MARCHF1: variants seen among roughly 807,000 people sequenced by gnomAD.
MARCHF1 encodes the protein membrane associated ring-CH-type finger 1, also known as E3 ubiquitin-protein ligase MARCHF1.
A neutral mutation model predicts 54.2 loss-of-function variants in MARCHF1; 40 were observed. The ratio of observed to expected loss-of-function variants is 0.74; its 90% confidence interval spans 0.57 to 0.96. The LOEUF (loss-of-function observed/expected upper bound fraction) is 0.96, where lower values mean the gene tolerates loss of function less well. Ranked by LOEUF, MARCHF1 falls within the 40% of genes least tolerant of loss-of-function variation. The probability of loss-of-function intolerance (pLI) is 0.00; values close to 1 mark genes in which losing one functional copy is unlikely to be tolerated. For synonymous variants in MARCHF1, 236 were observed against 236.3 expected (o/e 1.00, Z 0.01); for missense variants, 586 against 656.5 (o/e 0.89, Z 1.17).
intron 5 of MARCHF1, among the ~76,000 whole-genome samples, chr4:163,654,886 T>G (rs1743087090): frequency 6.6e-6 from 1 of 151,658 alleles, no homozygotes; most frequent in South Asian, 2.1e-4. Context: ...AAACTGTGAT[T>G]AGTCATATAG....
At chr4:164,150,679 T>C (rs1729909996) in intron 1 of MARCHF1, among the ~76,000 whole-genome samples, 1 of 152,100 alleles carries the variant, frequency 6.6e-6, no homozygotes, top group Non-Finnish European at 1.5e-5. Flanking sequence ...ACTTGGACCA[T>C]TTCAACAAGA....
chr4:163,894,667 G>GATGCATATATAT (rs1172019102), intron 3 of MARCHF1, among the ~76,000 whole-genome samples: 1 of 1,662 alleles, frequency 6.0e-4, no homozygotes, highest in South Asian at 0.042. Context: ...ATATGCATGT[G>GATGCATATATAT]ATGCATATAT....
At chr4:164,074,348 C>T (rs901907075) in intron 2 of MARCHF1, among the ~76,000 whole-genome samples, 1 of 152,128 alleles carries the variant, frequency 6.6e-6, no homozygotes, top group African/African-American at 2.4e-5. Flanking sequence ...TCTGTTTGCT[C>T]TCATTCAAGT....
intron 1 of MARCHF1, among the ~76,000 whole-genome samples, chr4:164,346,581 T>A (rs924928176): frequency 1.3e-5 from 1 of 75,184 alleles, no homozygotes; most frequent in African/African-American, 4.2e-5. Context: ...AATGCTGATG[T>A]CCTCAAACCT....
Position 164,020,743 on chromosome 4 carries a change from C to T in MARCHF1, c.-247-32034G>A, listed in dbSNP as rs1185449346. On this transcript the variant is annotated intron_variant, in intron 2 of 9. Transcript: ENST00000514618. ...CTCAGGAGTTTGAGAACAGCCCAGG[C>T]AACACGGAGAAACCCCATCTCTACA... is the stretch of plus-strand genomic sequence containing the variant. Among the ~76,000 whole-genome samples, 4 of 152,104 alleles carry T rather than the reference C, an allele frequency of 2.6e-5. No individual in the cohort carries two copies. The East Asian group carries it at 7.7e-4, about 29-fold the overall frequency.
At chr4:163,697,815 C>A (rs1744682924) in intron 5 of MARCHF1, among the ~76,000 whole-genome samples, 1 of 152,144 alleles carries the variant, frequency 6.6e-6, no homozygotes, top group South Asian at 2.1e-4. Flanking sequence ...TAGGAATATG[C>A]ATTTTTTAAG....
intron 4 of MARCHF1, among the ~76,000 whole-genome samples, chr4:163,728,256 G>A (rs1745726966): frequency 6.6e-6 from 1 of 152,028 alleles, no homozygotes; most frequent in Non-Finnish European, 1.5e-5. Flanking sequence ...GTTACAATAG[G>A]AAGCCCTAAT....
chr4:163,701,479 A>G (rs1369873854), intron 4 of MARCHF1, among the ~76,000 whole-genome samples: 1 of 152,144 alleles, frequency 6.6e-6, no homozygotes, highest in African/African-American at 2.4e-5. Context: ...TTAGCAGAAA[A>G]GAGGCATGAA....
intron 7 of MARCHF1, among the ~76,000 whole-genome samples, chr4:163,605,207 T>G (rs1741101891): frequency 6.6e-6 from 1 of 151,934 alleles, no homozygotes; most frequent in Admixed American, 6.6e-5. Flanking sequence ...CTTAAGCAAA[T>G]TTACAAGAAA....
At chr4:164,182,015 C>A (rs1730845620) in intron 1 of MARCHF1, among the ~76,000 whole-genome samples, 1 of 152,082 alleles carries the variant, frequency 6.6e-6, no homozygotes, top group African/African-American at 2.4e-5. Context: ...ACAATTAGAA[C>A]TTCAGGTAAA....
At chr4:164,294,221 C>T (rs1318509382) in intron 1 of MARCHF1, among the ~76,000 whole-genome samples, 5 of 152,236 alleles carry the variant, frequency 3.3e-5, no homozygotes, top group African/African-American at 1.2e-4. Flanking sequence ...GGTTTTGGGA[C>T]TCGGACTGGC....
At chr4:164,188,934 A>G (rs1166709675) in intron 1 of MARCHF1, 12 of 759,880 alleles carry the variant, frequency 1.6e-5, no homozygotes, top group Middle Eastern at 2.9e-4. Context: ...GCAACCAAAG[A>G]TATTGGAACT....
chr4:163,769,835 A>T (rs1320923028), intron 4 of MARCHF1, among the ~76,000 whole-genome samples: 2 of 152,174 alleles, frequency 1.3e-5, no homozygotes, highest in Non-Finnish European at 2.9e-5. Context: ...TCAGGGAGTG[A>T]ATGTGTATAC....
In MARCHF1 at chr4:163,871,176, C is replaced by A. The variant is rs72685652; in HGVS notation, c.-38-17007G>T. On this transcript the variant is annotated intron_variant, in intron 3 of 9. Transcript: ENST00000514618. ...AAGATAAAAATAGCTAGAAACCAAGCAAAGTAGTAAATAAAACATACATCA... is the reference window on the plus strand; with the variant it reads ...AAGATAAAAATAGCTAGAAACCAAGAAAAGTAGTAAATAAAACATACATCA... 7.2e-4 allele frequency among the ~76,000 whole-genome samples: 110 copies of A among 151,926 alleles called. 2 individuals are homozygous for A. In the East Asian group the frequency reaches 0.021, roughly 29 times the overall value.
intron 4 of MARCHF1, among the ~76,000 whole-genome samples, chr4:163,731,885 T>A (rs1745850951): frequency 2.0e-5 from 3 of 152,178 alleles, no homozygotes; most frequent in African/African-American, 7.2e-5. Flanking sequence ...GCTACCCTGA[T>A]ATGGCCTAAC....
In MARCHF1 at chr4:163,986,249, C is replaced by CTTTTTTTTTT. The variant is rs869081083; in HGVS notation, c.-39+2242_-39+2251dup. Among the ~76,000 whole-genome samples the CTTTTTTTTTT allele has an allele frequency of 1.3e-3, 37 of 28,882 alleles. 5 individuals carry two copies. Among genetic ancestry groups the CTTTTTTTTTT allele is most frequent in the Admixed American group, 2.2e-3 (4 of 1,782 alleles). The allele number at this position is 28,882 out of a possible 152,430, so 18.9% of individuals were successfully genotyped here. On this transcript the variant is annotated intron_variant, in intron 3 of 9. Coordinates refer to ENST00000514618, the MANE Select transcript of MARCHF1 (RefSeq NM_001394959.1). Reference sequence around the variant, plus strand: ...TTCCTTTTCTCCTAATTAACCTCTTCTTTTTTTTTTTTTTTTTTTTTTTTT... The same window carrying CTTTTTTTTTT: ...TTCCTTTTCTCCTAATTAACCTCTTCTTTTTTTTTTTTTTTTTTTTTTTTTTTTTTTTTTT...
intron 7 of MARCHF1, among the ~76,000 whole-genome samples, chr4:163,608,443 G>A (rs1403707739): frequency 6.6e-6 from 1 of 151,982 alleles, no homozygotes; most frequent in Non-Finnish European, 1.5e-5. Context: ...CGATCAACAG[G>A]GACTTGTAAA....
intron 1 of MARCHF1, among the ~76,000 whole-genome samples, chr4:164,169,948 T>G (rs2110971290): frequency 6.6e-6 from 1 of 152,222 alleles, no homozygotes; most frequent in Middle Eastern, 3.4e-3. Flanking sequence ...TACCCTTCAT[T>G]TAACAACAGT....
intron 2 of MARCHF1, among the ~76,000 whole-genome samples, chr4:164,055,996 C>T (rs1488875747): frequency 6.6e-6 from 1 of 152,114 alleles, no homozygotes; most frequent in Non-Finnish European, 1.5e-5. Flanking sequence ...AAGAGCTTTG[C>T]GATGTTTCTA....
Sources: allele counts gnomAD v4.1 joint callset (sites outside exome capture counted in the v4.1 genomes callset), GRCh38; gene constraint gnomAD v4.1.1; transcripts MANE v1.5; gene names NCBI Gene and HGNC (gene_info 2026-07-23, HGNC 2026-07-21).